The following BRD8 variants were observed in gnomAD, a reference collection of about 807,000 sequenced individuals.
BRD8 encodes bromodomain containing 8, also known as bromodomain-containing protein 8.
A neutral mutation model predicts 143.1 loss-of-function variants in BRD8; 67 were observed. The ratio of observed to expected loss-of-function variants is 0.47; its 90% CI spans 0.38 to 0.57. The LOEUF (loss-of-function observed/expected upper bound fraction) is 0.57, where lower values mean the gene tolerates loss of function less well. Ranked by LOEUF, BRD8 falls within the 20% of genes least tolerant of loss-of-function variation. The pLI, the probability that BRD8 is intolerant of heterozygous loss-of-function variation, is 0.00. For synonymous variants in BRD8, 505 were observed against 517.1 expected (o/e 0.98, Z 0.32); for missense variants, 1,103 against 1,503.0 (o/e 0.73, Z 4.40).
chr5:138,167,809 A>G, intron 9 of BRD8, 125 bp downstream of exon 9: 1 of 825,834 alleles, frequency 1.2e-6, no homozygotes, highest in East Asian at 2.5e-5. Flanking sequence ...GTAGCTCCAA[A>G]AAAAAGTTAG....
intron 20 of BRD8, among the ~76,000 whole-genome samples, chr5:138,153,418 T>G (rs1752444447): frequency 6.6e-6 from 1 of 152,126 alleles, no homozygotes; most frequent in Non-Finnish European, 1.5e-5. Flanking sequence ...GCTTTCTTAT[T>G]AATGTATTTT....
chr5:138,177,777 A>T (rs1754481783), intron 1 of BRD8, 110 bp from the exon 2 acceptor site: 4 of 593,640 alleles, frequency 6.7e-6, no homozygotes, highest in Non-Finnish European at 1.2e-5. Flanking sequence ...AAACATCCCA[A>T]CTTGTTAGGA....
Position 138,178,527 on chromosome 5 carries a change from T to C in BRD8, c.19+69A>G, listed in dbSNP as rs1179852284. On this transcript the variant is annotated intron_variant, in intron 1 of 26. Transcript: ENST00000254900. Reference sequence around the variant, plus strand: ...CCACTTCTCCCACTCCCTAAGCGTGTAACAAAAATATGGTGCCTAGCCTCG... The same window carrying C: ...CCACTTCTCCCACTCCCTAAGCGTGCAACAAAAATATGGTGCCTAGCCTCG... 2.1e-6 allele frequency: 3 copies of C among 1,418,240 alleles called. No individual in the cohort carries two copies. In the African/African-American group the frequency reaches 4.2e-5, roughly 20 times the overall value. The allele number at this position is 1,418,240 out of a possible 1,614,324, so 87.9% of individuals were successfully genotyped here.
intron 20 of BRD8, chr5:138,157,559 T>C: frequency 2.4e-6 from 1 of 413,592 alleles, no homozygotes; most frequent in Non-Finnish European, 4.4e-6. Flanking sequence ...CAGGCCCAAA[T>C]CATGTGCAAA....
chr5:138,167,451 T>G (rs1344347906), intron 9 of BRD8, among the ~76,000 whole-genome samples: 1 of 150,798 alleles, frequency 6.6e-6, no homozygotes, highest in Admixed American at 6.6e-5. Context: ...TCTATGGAGC[T>G]TTTTTTATTT....
rs1752304775 is a variant in BRD8 at position 138,149,717 on chromosome 5, G to A, written c.3201C>T (p.Gly1067=). 6.8e-6 allele frequency: 11 copies of A among 1,613,642 alleles called. No homozygotes were observed. Among genetic ancestry groups the A allele is most frequent in the African/African-American group, 1.3e-5 (1 of 74,978 alleles). The change falls in exon 23 of 27, where the codon GGC becomes GGT. Residue 1067 remains glycine, a synonymous_variant. Transcript: ENST00000254900. ...VSEMEDQPPS[G]ECDDAFNIKE... is the part of the protein sequence containing the mutation. ...TAATGTTAAAGGCATCATCACACTC[G>A]CCTGAAGGGGGCTGGTCTTCCATCT...
In BRD8 at chr5:138,173,464, T is replaced by C. The variant is rs564850513; in HGVS notation, c.117-1330A>G. ...ATGTGAGGAAATATACAGATTAGATTCTATTTCAAACCAGTTTACCTGTTT... is the reference window on the plus strand; with the variant it reads ...ATGTGAGGAAATATACAGATTAGATCCTATTTCAAACCAGTTTACCTGTTT... On this transcript the variant is annotated intron_variant, in intron 2 of 26. Transcript: ENST00000254900. Among the ~76,000 whole-genome samples, 9 of 152,292 alleles carry C rather than the reference T, an allele frequency of 5.9e-5. No individual in the cohort carries two copies. The East Asian group carries it at 1.5e-3, about 26-fold the overall frequency.
rs1207399581 is a variant in BRD8 at position 138,172,517 on chromosome 5, A to C, written c.117-383T>G. 1.5e-3 allele frequency among the ~76,000 whole-genome samples: 103 copies of C among 68,146 alleles called. 1 individual carries two copies. The highest frequency in any genetic ancestry group is 7.1e-3 in the African/African-American group (95 of 13,290). 44.7% of individuals were successfully genotyped at this position (68,146 alleles called of 152,430 possible). On this transcript the variant is annotated intron_variant, in intron 2 of 26. Transcript: ENST00000254900. ...CAGCCTGGGGACAGAGTGAGACTCC[A>C]TCTCAAAAAAAAAAAAAAAAAAAAA... is the stretch of plus-strand genomic sequence containing the variant.
At chr5:138,150,610 T>A in intron 22 of BRD8, 135 bp downstream of exon 22, 1 of 1,041,166 alleles carries the variant, frequency 9.6e-7, no homozygotes, top group African/African-American at 1.6e-5. Flanking sequence ...GTAACACAGC[T>A]AAAACTGGTG....
At chr5:138,164,486 T>C in intron 12 of BRD8, 73 bp from the exon 13 acceptor site, 2 of 1,437,448 alleles carry the variant, frequency 1.4e-6, no homozygotes, top group South Asian at 2.3e-5. Context: ...TATTCTTCAG[T>C]GATAATGAGA....
At chr5:138,160,834 T>C in intron 18 of BRD8, 57 bp downstream of exon 18, 1 of 1,472,484 alleles carries the variant, frequency 6.8e-7, no homozygotes, top group Non-Finnish European at 9.1e-7. Flanking sequence ...ATATGAATCC[T>C]CCCCTTGAAG....
Position 138,160,168 on chromosome 5 carries a change from G to A in BRD8, c.2433C>T (p.Phe811=). 6.2e-7 allele frequency: 1 copy of A among 1,613,712 alleles called. No homozygotes were observed. ...QRDVLEQIQQ[F]LATQLIMQTS... is the part of the protein sequence containing the mutation. ...TTTGCATAATCAACTGCGTGGCCAA[G>A]AATTGCTGTAGGGAGAAGAAACAGG... is the stretch of plus-strand genomic sequence containing the variant. Residue 811 remains phenylalanine (F), a synonymous_variant, in exon 19 of 27, where the codon TTC becomes TTT. Transcript: ENST00000254900.
chr5:138,168,624 G>A (rs777766685), intron 8 of BRD8: 4 of 1,604,696 alleles, frequency 2.5e-6, no homozygotes, highest in Admixed American at 3.6e-5. Flanking sequence ...AGAGCCTGGA[G>A]GAAGGGTGTC....
Position 138,145,827 on chromosome 5 carries a change from C to G in BRD8, c.3330G>C (p.Lys1110Asn). 6.2e-7 allele frequency: 1 copy of G among 1,614,016 alleles called. No individual in the cohort carries two copies. The highest frequency in any genetic ancestry group is 1.7e-5 in the Admixed American group (1 of 60,024). ...TCATCTTCCAGACTGGCAGGAGAGT[C>G]TTCTTAAATAGCAAATGATCCTGAA... Reference protein sequence around the residue: ...DPVQDHLLFKKTLLPVWKMIA... With the variant: ...DPVQDHLLFKNTLLPVWKMIA... The change falls in exon 24 of 27, where the codon AAG becomes AAC. Residue 1110 changes from lysine to asparagine, a missense_variant. Physicochemically the swap from Lys to Asn is moderately conservative, Grantham distance 94. Coordinates refer to ENST00000254900, the MANE Select transcript of BRD8 (RefSeq NM_139199.2).
At chr5:138,150,717 AGAC>A in intron 22 of BRD8, 25 bp downstream of exon 22, 1 of 1,580,194 alleles carries the variant, frequency 6.3e-7, no homozygotes, top group South Asian at 1.2e-5. Context: ...AAGACCAACA[AGAC>A]AGCTGATTTA....
Position 138,140,832 on chromosome 5 carries a change from C to A in BRD8, c.3488G>T (p.Arg1163Leu). Residue 1163 changes from arginine to leucine, a missense_variant, in exon 26 of 27, where the codon CGC (arginine) becomes CTC (leucine). Physicochemically the swap from Arg to Leu is moderately radical, Grantham distance 102 (BLOSUM62 -2). Transcript: ENST00000254900. ...LKRNLSKGRI[R>L]TMAQFLRDLM... ...GTCTCGCAGGAATTGGGCCATGGTG[C>A]GAATCCGACCCTTAGAGAGATTTCT... The A allele has an allele frequency of 6.2e-7, 1 of 1,614,116 alleles. No individual in the cohort carries two copies. Among genetic ancestry groups the A allele is most frequent in the Middle Eastern group, 1.6e-4 (1 of 6,062 alleles).
intron 21 of BRD8, among the ~76,000 whole-genome samples, 156 bp from the exon 22 acceptor site, chr5:138,151,164 TTA>T (rs1230197166): frequency 1.3e-5 from 2 of 152,334 alleles, no homozygotes; most frequent in East Asian, 3.9e-4. Context: ...CCAAAATATC[TTA>T]TATACACAGG....
In BRD8 at chr5:138,163,388, T is replaced by C. The variant is rs76045474; in HGVS notation, c.1873-44A>G. The stretch of plus-strand genomic sequence containing the variant: ...CAGTTAACAAATGCAAGCAAAGCTA[T>C]CCAGCAAAGCATCATTAAACATGAT... On this transcript the variant is annotated intron_variant, in intron 14 of 26. Coordinates refer to ENST00000254900, the MANE Select transcript of BRD8 (RefSeq NM_139199.2). 789 of 1,594,630 alleles carry C rather than the reference T, an allele frequency of 4.9e-4. 16 individuals carry two copies. The East Asian group carries it at 0.016, about 33-fold the overall frequency.
chr5:138,158,235 C>T (rs1752733725), intron 20 of BRD8, among the ~76,000 whole-genome samples: 1 of 152,142 alleles, frequency 6.6e-6, no homozygotes, highest in South Asian at 2.1e-4. Context: ...AACAATGCCC[C>T]AAGAGATTAT....
Sources: allele counts gnomAD v4.1 joint callset (sites outside exome capture counted in the v4.1 genomes callset), GRCh38; gene constraint gnomAD v4.1.1; transcripts MANE v1.5; gene names NCBI Gene and HGNC (gene_info 2026-07-23, HGNC 2026-07-21).